QTMAN: variants seen among roughly 807,000 people sequenced by gnomAD.
The protein encoded by QTMAN is queuosine-tRNA mannosyltransferase.
the QTMAN span, chr2:143,939,828 T>C: frequency 2.6e-5 from 4 of 152,276 alleles, no homozygotes; most frequent in South Asian, 8.3e-4. Context: ...CTCCTTATAC[T>C]TCCCTCCCTC....
the QTMAN span, among the ~76,000 whole-genome samples, chr2:144,257,480 AAG>A: frequency 6.6e-6 from 1 of 152,168 alleles, no homozygotes; most frequent in East Asian, 1.9e-4. Flanking sequence ...AAAGGGGTCA[AAG>A]AGAGGGACAC....
chr2:144,055,013 T>A, the QTMAN span, among the ~76,000 whole-genome samples: 1 of 152,122 alleles, frequency 6.6e-6, no homozygotes, highest in African/African-American at 2.4e-5. Context: ...CCCTAAAAGC[T>A]TGAAAGCACA....
At chr2:144,217,140 G>T in the QTMAN span, among the ~76,000 whole-genome samples, 36 of 152,098 alleles carry the variant, frequency 2.4e-4, no homozygotes, top group Non-Finnish European at 2.9e-5. Context: ...GACCCATTCG[G>T]ATACGAATGC....
At chr2:144,284,806 G>C in the QTMAN span, among the ~76,000 whole-genome samples, 1 of 152,118 alleles carries the variant, frequency 6.6e-6, no homozygotes, top group Non-Finnish European at 1.5e-5. Flanking sequence ...GCCGTGGAGT[G>C]AGGACTGCTT....
the QTMAN span, among the ~76,000 whole-genome samples, chr2:144,326,790 C>A: frequency 6.6e-6 from 1 of 152,130 alleles, no homozygotes; most frequent in East Asian, 1.9e-4. Context: ...CTCCAGGGAA[C>A]TGGACAGATT....
chr2:144,257,557 C>T, the QTMAN span, among the ~76,000 whole-genome samples: 2 of 152,164 alleles, frequency 1.3e-5, no homozygotes, highest in African/African-American at 2.4e-5. Flanking sequence ...GCACAGTGAC[C>T]TTTACAGTAC....
the QTMAN span, among the ~76,000 whole-genome samples, chr2:144,071,186 C>A: frequency 6.6e-6 from 1 of 150,652 alleles, no homozygotes; most frequent in Non-Finnish European, 1.5e-5. Flanking sequence ...AATAAACATA[C>A]TGCCACTGTT....
At chr2:144,029,639 A>T in the QTMAN span, among the ~76,000 whole-genome samples, 1 of 152,150 alleles carries the variant, frequency 6.6e-6, no homozygotes, top group East Asian at 1.9e-4. Flanking sequence ...AACCAGCTTT[A>T]AAAAAACATG....
chr2:144,068,767 T>C, the QTMAN span, among the ~76,000 whole-genome samples: 2 of 152,206 alleles, frequency 1.3e-5, no homozygotes, highest in Admixed American at 1.3e-4. Context: ...GCATCCAGCA[T>C]ACATTCAGAT....
the QTMAN span, among the ~76,000 whole-genome samples, chr2:144,285,715 G>A: frequency 6.6e-6 from 1 of 152,096 alleles, no homozygotes; most frequent in African/African-American, 2.4e-5. Flanking sequence ...TTAATCATAG[G>A]AAAATATTTT....
the QTMAN span, among the ~76,000 whole-genome samples, chr2:144,267,017 G>A: frequency 1.3e-5 from 2 of 152,130 alleles, no homozygotes; most frequent in Non-Finnish European, 2.9e-5. Flanking sequence ...CACTAAAAAT[G>A]TCAAGGTATT....
At chr2:144,025,246 A>G in the QTMAN span, among the ~76,000 whole-genome samples, 1 of 152,144 alleles carries the variant, frequency 6.6e-6, no homozygotes, top group Non-Finnish European at 1.5e-5. Context: ...CCCAAGCTGG[A>G]TGGCTGCCAA....
At chr2:144,098,752 G>C in the QTMAN span, among the ~76,000 whole-genome samples, 3 of 150,838 alleles carry the variant, frequency 2.0e-5, no homozygotes, top group Admixed American at 2.0e-4. Flanking sequence ...ATGTAACTCT[G>C]ACTTTCTCAC....
chr2:143,980,425 C>T, the QTMAN span, among the ~76,000 whole-genome samples: 4 of 152,226 alleles, frequency 2.6e-5, no homozygotes, highest in African/African-American at 9.6e-5. Flanking sequence ...GTAAGTTCCT[C>T]GAGGGCAGAG....
the QTMAN span, among the ~76,000 whole-genome samples, chr2:144,258,022 G>A: frequency 1.9e-4 from 29 of 151,992 alleles, no homozygotes; most frequent in African/African-American, 7.0e-4. Context: ...GGCAGGCTAA[G>A]GGTGAAGACT....
At chr2:143,980,278 T>C in the QTMAN span, among the ~76,000 whole-genome samples, 1 of 152,156 alleles carries the variant, frequency 6.6e-6, no homozygotes, top group Non-Finnish European at 1.5e-5. Context: ...AGTGAGAACA[T>C]GCAATGTCTG....
At chr2:144,253,797 C>A in the QTMAN span, among the ~76,000 whole-genome samples, 1 of 151,870 alleles carries the variant, frequency 6.6e-6, no homozygotes, top group African/African-American at 2.4e-5. Flanking sequence ...AAAATTCAAA[C>A]CAGCTGCAGA....
At chr2:144,183,965 A>G in the QTMAN span, among the ~76,000 whole-genome samples, 2 of 152,128 alleles carry the variant, frequency 1.3e-5, no homozygotes, top group Non-Finnish European at 2.9e-5. Context: ...AACCACCCTC[A>G]TGATGGCTAC....
At chr2:144,066,063 G>GA in the QTMAN span, among the ~76,000 whole-genome samples, 5 of 151,884 alleles carry the variant, frequency 3.3e-5, no homozygotes, top group African/African-American at 4.8e-5. Context: ...CTTAAAAGTT[G>GA]AAAAAAATAT....
Sources: allele counts gnomAD v4.1 joint callset (sites outside exome capture counted in the v4.1 genomes callset), GRCh38; gene constraint gnomAD v4.1.1; transcripts MANE v1.5; gene names NCBI Gene and HGNC (gene_info 2026-07-23, HGNC 2026-07-21).